The following AGTPBP1 variants were observed in gnomAD, a reference collection of about 807,000 sequenced individuals.
The protein encoded by AGTPBP1 is ATP/GTP binding carboxypeptidase 1.
Under a neutral mutation model 143.9 loss-of-function variants are expected in AGTPBP1, and 70 were observed. The observed-to-expected ratio is 0.49, with a 90% CI of 0.40 to 0.59. AGTPBP1 has a LOEUF of 0.59. Among genes scored for constraint, AGTPBP1 ranks in the 20% least tolerant of loss-of-function variants. The pLI, the probability that AGTPBP1 is intolerant of heterozygous loss-of-function variation, is 0.00. For missense variants in AGTPBP1, 1,229 were observed against 1,464.5 expected, an observed-to-expected ratio of 0.84 and a Z score of 2.62; for synonymous variants, 463 against 500.2, an observed-to-expected ratio of 0.93 and a Z score of 0.99.
chr9:85,642,881 T>C lies in AGTPBP1; in HGVS notation c.1248A>G (p.Ile416Met), dbSNP rs1587812129. The change falls in exon 13 of 26, where the codon ATA (isoleucine) becomes ATG (methionine). Residue 416 changes from isoleucine to methionine, a missense_variant. Transcript: ENST00000357081. ...GGTGTTCATACATTTTTAGATCTTC[T>C]ATTGTTCGTCCCGGTTCTTGCTGGG... ...LKPQQEPGRT[I>M]EDLKMYEHLF... 2 of 1,613,666 alleles carry C rather than the reference T, an allele frequency of 1.2e-6. No homozygotes were observed. Among genetic ancestry groups the C allele is most frequent in the Middle Eastern group, 1.7e-4 (1 of 6,046 alleles).
At chr9:85,692,656 C>A in intron 3 of AGTPBP1, 33 bp downstream of exon 3, 1 of 1,593,708 alleles carries the variant, frequency 6.3e-7, no homozygotes, top group South Asian at 1.1e-5. Flanking sequence ...ATTAAAAAAG[C>A]ATTTCAAAAA....
intron 25 of AGTPBP1, among the ~76,000 whole-genome samples, chr9:85,572,112 C>T (rs999555196): frequency 3.5e-5 from 5 of 141,732 alleles, no homozygotes; most frequent in Admixed American, 7.6e-5. Flanking sequence ...CTGCAACCTC[C>T]GCCTCTTGGG....
intron 10 of AGTPBP1, 34 bp from the exon 11 acceptor site, chr9:85,655,354 T>C: frequency 6.8e-7 from 1 of 1,466,352 alleles, no homozygotes; most frequent in East Asian, 2.6e-5. Context: ...AAAAAGAATG[T>C]TTTTGATGAA....
chr9:85,751,791 G>C, the AGTPBP1 span, among the ~76,000 whole-genome samples: 1 of 151,812 alleles, frequency 6.6e-6, no homozygotes, highest in Non-Finnish European at 1.5e-5. Context: ...ATTTTTAGTA[G>C]AGACGGGGTT....
At chr9:85,634,072 T>C (rs976411811) in intron 13 of AGTPBP1, among the ~76,000 whole-genome samples, 9 of 150,494 alleles carry the variant, frequency 6.0e-5, no homozygotes, top group African/African-American at 2.2e-4. Context: ...GTGGACACCG[T>C]AATCCCAGCT....
At position 85,692,763 on chromosome 9, in the gene AGTPBP1, ATCT is replaced by A; in HGVS notation, c.80_82del (p.Lys27del). 2 of 1,614,008 alleles carry A rather than the reference ATCT, an allele frequency of 1.2e-6. No individual in the cohort carries two copies. Among genetic ancestry groups the A allele is most frequent in the Non-Finnish European group, 1.7e-6 (2 of 1,179,916 alleles). On this transcript the variant is annotated inframe_deletion, in exon 3 of 26. Transcript: ENST00000357081. ...GTCTGATTCTGAAGGCTCAGCATTG[ATCT>A]TCTCCAGTTGAGCCAGGAGTCCTAC...
At chr9:85,744,033 G>A (rs1226097258), upstream of AGTPBP1, among the ~76,000 whole-genome samples, 1 of 149,468 alleles carries the variant, frequency 6.7e-6, no homozygotes. Context: ...TTAATGAATC[G>A]TACTACCTCA....
chr9:85,703,746 G>T (rs1172678960), intron 2 of AGTPBP1, among the ~76,000 whole-genome samples: 1 of 152,172 alleles, frequency 6.6e-6, no homozygotes, highest in Non-Finnish European at 1.5e-5. Context: ...CACTACAGAT[G>T]ACATCTAAAT....
intron 1 of AGTPBP1, among the ~76,000 whole-genome samples, chr9:85,730,743 T>C (rs1838824816): frequency 6.6e-6 from 1 of 152,216 alleles, no homozygotes; most frequent in African/African-American, 2.4e-5. Flanking sequence ...CACTCTATCT[T>C]AGTCCTGGGA....
chr9:85,612,125 C>T (rs1390080398), intron 17 of AGTPBP1, among the ~76,000 whole-genome samples: 1 of 152,130 alleles, frequency 6.6e-6, no homozygotes, highest in Admixed American at 6.5e-5. Context: ...TCTTTGACCC[C>T]ACTCCCTGAC....
intron 8 of AGTPBP1, among the ~76,000 whole-genome samples, chr9:85,667,812 G>A (rs1456851740): frequency 6.7e-6 from 1 of 148,218 alleles, no homozygotes; most frequent in East Asian, 2.0e-4. Context: ...AAAAAACAGG[G>A]AAACTTTTTT....
In AGTPBP1 at chr9:85,575,361, G is replaced by A; in HGVS notation, c.3457C>T (p.Leu1153Phe). 1 of 1,601,494 alleles carries A rather than the reference G, an allele frequency of 6.2e-7. No homozygotes were observed. The highest frequency in any genetic ancestry group is 8.5e-7 in the Non-Finnish European group (1 of 1,176,556). Residue 1153 changes from leucine (L) to phenylalanine (F), a missense_variant, in exon 25 of 26, where the codon CTT becomes TTT. Around this residue, in one of 2 missense-constraint regions of AGTPBP1, gnomAD observed 486 missense variants for 652.3 expected, o/e 0.75. Transcript: ENST00000357081. ...TCAATTAAATCATTTTCAAAGTCAA[G>A]CAGGCTGGAAGGCAGATTATACTCC... Reference protein sequence around the residue: ...PLEYNLPSSLLDFENDLIESS... With the variant: ...PLEYNLPSSLFDFENDLIESS...
intron 2 of AGTPBP1, among the ~76,000 whole-genome samples, chr9:85,701,312 C>G (rs911164999): frequency 6.6e-6 from 1 of 151,696 alleles, no homozygotes; most frequent in African/African-American, 2.4e-5. Flanking sequence ...TCACTGCAAC[C>G]TCTGCTTCCC....
chr9:85,782,224 A>G, the AGTPBP1 span, among the ~76,000 whole-genome samples: 1 of 152,162 alleles, frequency 6.6e-6, no homozygotes, highest in Non-Finnish European at 1.5e-5. Context: ...ATGTAATAGA[A>G]GTAGAATTGG....
chr9:85,619,327 T>C, intron 15 of AGTPBP1, 26 bp from the exon 16 acceptor site: 1 of 1,524,276 alleles, frequency 6.6e-7, no homozygotes, highest in Non-Finnish European at 9.0e-7. Context: ...AAAGTAAATG[T>C]ATTAAAATAC....
At chr9:85,724,583 C>A (rs1284922636) in intron 1 of AGTPBP1, among the ~76,000 whole-genome samples, 1 of 152,112 alleles carries the variant, frequency 6.6e-6, no homozygotes, top group Non-Finnish European at 1.5e-5. Context: ...CAAAAGCAAC[C>A]AAAATAGATT....
At chr9:85,588,036 A>G (rs745420032) in intron 21 of AGTPBP1, among the ~76,000 whole-genome samples, 29 of 152,172 alleles carry the variant, frequency 1.9e-4, no homozygotes, top group Admixed American at 3.9e-4. Flanking sequence ...CAATTCAAGC[A>G]TTTTATGAAA....
chr9:85,689,922 AAAAATATAT>A (rs1835740603), intron 3 of AGTPBP1, among the ~76,000 whole-genome samples: 1 of 126,872 alleles, frequency 7.9e-6, no homozygotes, highest in African/African-American at 3.2e-5. Context: ...AAAAAAAAAA[AAAAATATAT>A]ATATATATAT....
upstream of AGTPBP1, among the ~76,000 whole-genome samples, chr9:85,744,485 T>C (rs1824559635): frequency 6.6e-6 from 1 of 152,244 alleles, no homozygotes; most frequent in African/African-American, 2.4e-5. Flanking sequence ...TCCAGGTTCT[T>C]GTCTCAAGAC....
Sources: gnomAD v4.1 joint callset for allele counts (sites outside exome capture counted in the v4.1 genomes callset) on GRCh38, gnomAD v4.1.1 for gene constraint, gnomAD v4.1.1 regional missense constraint, MANE v1.5 for transcripts, NCBI Gene and HGNC (gene_info 2026-07-23, HGNC 2026-07-21) for gene names.